APP: variants seen among roughly 807,000 people sequenced by gnomAD.
APP encodes the protein amyloid-beta precursor protein.
Under a neutral mutation model 101.4 loss-of-function variants are expected in APP, and 31 were observed. The observed-to-expected ratio is 0.31, with a 90% CI of 0.23 to 0.41. The LOEUF is 0.41. Ranked by LOEUF, APP falls within the 10% of genes least tolerant of loss-of-function variation. The pLI is 1.00. For synonymous variants in APP, 366 were observed against 364.4 expected, an observed-to-expected ratio of 1.00 and a Z score of -0.05; for missense variants, 839 against 1,003.7, an observed-to-expected ratio of 0.84 and a Z score of 2.22.
At chr21:25,935,856 A>AC (rs1227826249) in intron 13 of APP, among the ~76,000 whole-genome samples, 3 of 150,680 alleles carry the variant, frequency 2.0e-5, no homozygotes, top group Non-Finnish European at 3.0e-5. Flanking sequence ...AAAAAAAAAA[A>AC]AAAAACCTGT....
At chr21:25,904,997 G>C (rs745838621) in intron 15 of APP, 27 bp downstream of exon 15, 1 of 1,610,596 alleles carries the variant, frequency 6.2e-7, no homozygotes, top group African/African-American at 1.3e-5. Flanking sequence ...AAGATGCGGA[G>C]AGGCACAAGT....
chr21:25,918,794 AG>A, intron 13 of APP, among the ~76,000 whole-genome samples: 1 of 150,400 alleles, frequency 6.6e-6, no homozygotes, highest in Non-Finnish European at 1.5e-5. Flanking sequence ...GGCGGCAGCG[AG>A]GCTGGGGGAG....
chr21:26,060,388 T>G (rs1380023292), intron 3 of APP, among the ~76,000 whole-genome samples: 1 of 152,130 alleles, frequency 6.6e-6, no homozygotes, highest in Non-Finnish European at 1.5e-5. Context: ...TTGCACCGAG[T>G]GCTGGTCCTG....
chr21:26,057,341 T>C lies in APP; in HGVS notation c.356-3993A>G, dbSNP rs577271514. 2.4e-4 allele frequency among the ~76,000 whole-genome samples: 36 copies of C among 152,360 alleles called. 1 individual carries two copies. In the South Asian group the frequency reaches 3.7e-3, roughly 16 times the overall value. Reference sequence around the variant, plus strand: ...TCATGTTCCTGTTTACAGCAAACTTTAGGCAATTTGGCACCATTTATTTCA... The same window carrying C: ...TCATGTTCCTGTTTACAGCAAACTTCAGGCAATTTGGCACCATTTATTTCA... On this transcript the variant is annotated intron_variant, in intron 3 of 17. Transcript: ENST00000346798.
At chr21:25,964,578 C>A (rs955649280) in intron 11 of APP, among the ~76,000 whole-genome samples, 21 of 150,170 alleles carry the variant, frequency 1.4e-4, no homozygotes, top group Admixed American at 1.4e-3. Flanking sequence ...TTTTAATTCT[C>A]TCATCACTTA....
At chr21:26,057,375 A>C (rs1341567424) in intron 3 of APP, among the ~76,000 whole-genome samples, 1 of 152,202 alleles carries the variant, frequency 6.6e-6, no homozygotes, top group Non-Finnish European at 1.5e-5. Context: ...CAAGTGGATA[A>C]ATTCATCAAT....
At chr21:25,928,490 A>G (rs923412805) in intron 13 of APP, among the ~76,000 whole-genome samples, 1 of 152,226 alleles carries the variant, frequency 6.6e-6, no homozygotes, top group Non-Finnish European at 1.5e-5. Flanking sequence ...CGTACAGTGA[A>G]GTATTTAGGT....
intron 1 of APP, among the ~76,000 whole-genome samples, chr21:26,154,208 T>C (rs2063331637): frequency 6.6e-6 from 1 of 152,192 alleles, no homozygotes; most frequent in African/African-American, 2.4e-5. Context: ...AAATGAAATC[T>C]TAATACCTGT....
chr21:26,152,954 A>G (rs458848), intron 1 of APP, among the ~76,000 whole-genome samples: 74,188 of 152,102 alleles, frequency 0.49, 20,371 homozygotes, highest in African/African-American at 0.76. Flanking sequence ...AGGGACTACT[A>G]CTCAGCCATT....
At chr21:26,048,357 T>C (rs1384018625) in intron 5 of APP, among the ~76,000 whole-genome samples, 1 of 152,064 alleles carries the variant, frequency 6.6e-6, no homozygotes, top group East Asian at 1.9e-4. Context: ...TGGCTCACAT[T>C]ACATTTGTAT....
At chr21:26,012,074 C>T (rs28403442) in intron 6 of APP, among the ~76,000 whole-genome samples, 1,939 of 117,342 alleles carry the variant, frequency 0.017, 45 homozygotes, top group African/African-American at 0.048. Flanking sequence ...GGTGTGATCA[C>T]GGCTCACTGC....
intron 2 of APP, among the ~76,000 whole-genome samples, chr21:26,091,668 G>A (rs2061829111): frequency 6.6e-6 from 1 of 152,190 alleles, no homozygotes; most frequent in Admixed American, 6.5e-5. Context: ...TGACCAACAG[G>A]TGGAGGAGCA....
chr21:25,965,375 C>G (rs1372485777), intron 11 of APP, among the ~76,000 whole-genome samples: 1 of 152,218 alleles, frequency 6.6e-6, no homozygotes, highest in South Asian at 2.1e-4. Context: ...TTACAGCAAT[C>G]TGCTTTAATT....
At chr21:26,162,343 G>A (rs1218379654) in intron 1 of APP, among the ~76,000 whole-genome samples, 4 of 152,158 alleles carry the variant, frequency 2.6e-5, no homozygotes, top group Non-Finnish European at 5.9e-5. Flanking sequence ...ACCAAACACA[G>A]TATCAATATG....
At chr21:25,903,627 T>C (rs908352368) in intron 15 of APP, among the ~76,000 whole-genome samples, 1 of 152,016 alleles carries the variant, frequency 6.6e-6, no homozygotes, top group African/African-American at 2.4e-5. Flanking sequence ...CTGGCTGTGG[T>C]TGCAATTAGA....
intron 13 of APP, chr21:25,934,307 CG>C (rs1385701884): frequency 2.6e-5 from 4 of 152,050 alleles, no homozygotes; most frequent in African/African-American, 7.2e-5. Flanking sequence ...CTGTTGGTTT[CG>C]GCCATGCGGT....
At chr21:26,052,607 C>T (rs767455185) in intron 4 of APP, among the ~76,000 whole-genome samples, 2 of 152,180 alleles carry the variant, frequency 1.3e-5, no homozygotes, top group Non-Finnish European at 1.5e-5. Flanking sequence ...ACCAAGTGCT[C>T]GGTCAGACTC....
intron 13 of APP, among the ~76,000 whole-genome samples, chr21:25,915,906 G>A (rs1226516451): frequency 6.6e-6 from 1 of 152,084 alleles, no homozygotes; most frequent in Non-Finnish European, 1.5e-5. Flanking sequence ...TTCAGAAAAT[G>A]TAAGTGAAAA....
intron 3 of APP, among the ~76,000 whole-genome samples, chr21:26,055,148 A>ACC (rs2045989155): frequency 6.6e-6 from 1 of 152,106 alleles, no homozygotes; most frequent in African/African-American, 2.4e-5. Flanking sequence ...GAGACATGGT[A>ACC]CCCCAAAGGC....
Sources: allele counts gnomAD v4.1 joint callset (sites outside exome capture counted in the v4.1 genomes callset), GRCh38; gene constraint gnomAD v4.1.1; transcripts MANE v1.5; gene names NCBI Gene and HGNC (gene_info 2026-07-23, HGNC 2026-07-21).